Variants in WDR62 observed in about 807,000 individuals in gnomAD.
WDR62 encodes the protein WD repeat-containing protein 62.
Under a neutral mutation model 160.6 loss-of-function variants are expected in WDR62, and 112 were observed. That is an observed-to-expected ratio of 0.70 (90% confidence interval 0.60 to 0.82). The LOEUF (loss-of-function observed/expected upper bound fraction) is 0.82, where lower values mean the gene tolerates loss of function less well. Ranked by LOEUF, WDR62 falls within the 40% of genes least tolerant of loss-of-function variation. The pLI is 0.00. For missense variants in WDR62, 1,819 were observed against 1,983.8 expected (o/e 0.92, Z 1.58); for synonymous variants, 792 against 815.1 (o/e 0.97, Z 0.48).
intron 9 of WDR62, among the ~76,000 whole-genome samples, chr19:36,074,845 A>G (rs1360567538): frequency 6.6e-6 from 1 of 152,186 alleles, no homozygotes; most frequent in African/African-American, 2.4e-5. Context: ...GTCCACATTG[A>G]TGACTTCCCT....
rs1430293038 is a variant in WDR62 at position 36,054,933 on chromosome 19, G to A, written c.-39G>A. ...GGGTCGTGGCGGTGGCGGCAGCGGCGGTTAGGGGATGTAACGGTCGCCCGC... is the reference window on the plus strand; with the variant it reads ...GGGTCGTGGCGGTGGCGGCAGCGGCAGTTAGGGGATGTAACGGTCGCCCGC... On this transcript the variant is annotated 5_prime_UTR_variant, in exon 1 of 32. Coordinates refer to ENST00000401500, the MANE Select transcript of WDR62 (RefSeq NM_001083961.2). 20 of 1,554,994 alleles carry A rather than the reference G, an allele frequency of 1.3e-5. No individual in the cohort carries two copies. The highest frequency in any genetic ancestry group is 4.1e-5 in the African/African-American group (3 of 73,716).
chr19:36,080,825 T>C (rs190084732), intron 9 of WDR62, among the ~76,000 whole-genome samples: 74 of 152,384 alleles, frequency 4.9e-4, no homozygotes, highest in African/African-American at 1.5e-3. Flanking sequence ...TGGTTAATCT[T>C]TATAATTTCT....
intron 13 of WDR62, among the ~76,000 whole-genome samples, chr19:36,088,632 G>C (rs1475859645): frequency 6.6e-6 from 1 of 152,196 alleles, no homozygotes; most frequent in Non-Finnish European, 1.5e-5. Context: ...TACATGCATG[G>C]GGCCTGGCCC....
chr19:36,067,193 A>T, intron 5 of WDR62, 113 bp from the exon 6 acceptor site: 1 of 1,452,540 alleles, frequency 6.9e-7, no homozygotes, highest in East Asian at 2.3e-5. Context: ...GGAGGGTCCC[A>T]GGAAGACAGA....
chr19:36,072,111 C>A (rs1370539595), intron 8 of WDR62, among the ~76,000 whole-genome samples: 2 of 152,218 alleles, frequency 1.3e-5, no homozygotes, highest in Non-Finnish European at 2.9e-5. Context: ...AAAATCTCTG[C>A]CTCTCTGCAG....
At chr19:36,098,575 A>AAG (rs1568364377) in intron 21 of WDR62, among the ~76,000 whole-genome samples, 1 of 151,968 alleles carries the variant, frequency 6.6e-6, no homozygotes, top group African/African-American at 2.4e-5. Context: ...AAAAAAAAAA[A>AAG]AAAGAAAGAC....
At chr19:36,092,601 T>C in intron 18 of WDR62, 88 bp from the exon 19 acceptor site, 2 of 1,565,966 alleles carry the variant, frequency 1.3e-6, no homozygotes, top group South Asian at 2.2e-5. Flanking sequence ...GTCCAGGCTG[T>C]GGTGTGGGTG....
chr19:36,076,769 T>G (rs943402968), intron 9 of WDR62, among the ~76,000 whole-genome samples: 4 of 152,122 alleles, frequency 2.6e-5, no homozygotes, highest in African/African-American at 9.7e-5. Context: ...TGCAACAGTC[T>G]GAGAATGGAC....
rs12327568 is a variant in WDR62 at position 36,067,994 on chromosome 19, A to G, written c.866A>G (p.Lys289Arg). Residue 289 changes from lysine to arginine, a missense_variant, in exon 7 of 32, where the codon AAG becomes AGG. Lys to Arg is a conservative substitution (Grantham distance 26). Around this residue, in one of 3 missense-constraint regions of WDR62, gnomAD observed 934 missense variants for 1,157.2 expected, o/e 0.81. Transcript: ENST00000401500. Reference protein sequence around the residue: ...CQFNEKRVLEKWINLKVSLSS... With the variant: ...CQFNEKRVLERWINLKVSLSS... ...TTCAATGAGAAGAGGGTGCTGGAGA[A>G]GTGGATCAACCTGAAGGTACCACCT... The G allele has an allele frequency of 8.5e-4, 1,373 of 1,613,976 alleles. 11 individuals are homozygous for G. In the African/African-American group the frequency reaches 0.016, roughly 19 times the overall value.
chr19:36,062,216 G>C (rs1319241802), intron 3 of WDR62: 1 of 152,118 alleles, frequency 6.6e-6, no homozygotes, highest in Non-Finnish European at 1.5e-5. Flanking sequence ...AAAGTGCTAG[G>C]ATTACAGGTG....
rs1971985465 is a variant in WDR62 at position 36,082,916 on chromosome 19, C to T, written c.1372-147C>T. ...TATTCTTATCTAGCTGCAGGGGAGG[C>T]AAGGAAATAATTATTCTGATTGGTG... On this transcript the variant is annotated intron_variant, in intron 10 of 31. Transcript: ENST00000401500. The T allele has an allele frequency of 4.2e-6, 3 of 705,956 alleles. No homozygotes were observed. In the Admixed American group the frequency reaches 6.4e-5, roughly 15 times the overall value. The allele number at this position is 705,956 out of a possible 1,614,324, so 43.7% of individuals were successfully genotyped here. A position where few individuals can be genotyped will look rare whatever the true frequency, so the allele number is the denominator to read the frequency against.
intron 8 of WDR62, among the ~76,000 whole-genome samples, chr19:36,071,919 A>C (rs1971322791): frequency 6.6e-6 from 1 of 152,248 alleles, no homozygotes; most frequent in South Asian, 2.1e-4. Context: ...GGTAGGGGGA[A>C]GAAACAGTGA....
intron 1 of WDR62, among the ~76,000 whole-genome samples, chr19:36,056,876 C>T (rs762722400): frequency 6.7e-6 from 1 of 148,924 alleles, no homozygotes; most frequent in East Asian, 2.0e-4. Context: ...CTGGGTTGAT[C>T]TCGGCTCACT....
Position 36,099,419 on chromosome 19 carries a change from A to C in WDR62, c.2541A>C (p.Ala847=). 1 of 1,613,678 alleles carries C rather than the reference A, an allele frequency of 6.2e-7. No individual in the cohort carries two copies. The highest frequency in any genetic ancestry group is 8.5e-7 in the Non-Finnish European group (1 of 1,180,022). Residue 847 remains alanine, a synonymous_variant, in exon 22 of 32, where the codon GCA becomes GCC. Transcript: ENST00000401500. Reference sequence around the variant, plus strand: ...TCAAGCTAGGGGACGATGATGTGGCAGATGGCTTGGCCTTCCACGCCAAGC... The same window carrying C: ...TCAAGCTAGGGGACGATGATGTGGCCGATGGCTTGGCCTTCCACGCCAAGC... The part of the protein sequence containing the change: ...AKRLLGDDDV[A]DGLAFHAKRS...
chr19:36,076,025 T>A (rs1355626813), intron 9 of WDR62: 1 of 152,204 alleles, frequency 6.6e-6, no homozygotes, highest in Non-Finnish European at 1.5e-5. Context: ...TATAAACTCA[T>A]ATATATTTAA....
intron 9 of WDR62, among the ~76,000 whole-genome samples, chr19:36,077,100 T>A (rs1419409802): frequency 1.3e-5 from 2 of 152,102 alleles, no homozygotes; most frequent in African/African-American, 4.8e-5. Flanking sequence ...CATTACTCTC[T>A]AGTTTCAGAA....
chr19:36,095,008 A>G (rs1972871851), intron 20 of WDR62, among the ~76,000 whole-genome samples: 1 of 152,060 alleles, frequency 6.6e-6, no homozygotes, highest in Non-Finnish European at 1.5e-5. Flanking sequence ...TCCAGCCTGA[A>G]TAATAGAGTG....
Position 36,083,255 on chromosome 19 carries a change from G to A in WDR62, c.1550+14G>A, listed in dbSNP as rs1241048407. The A allele has an allele frequency of 5.0e-6, 8 of 1,584,564 alleles. No homozygotes were observed. Among genetic ancestry groups the A allele is most frequent in the Middle Eastern group, 2.0e-4 (1 of 5,056 alleles). On this transcript the variant is annotated intron_variant, in intron 11 of 31. Coordinates refer to ENST00000401500, the MANE Select transcript of WDR62 (RefSeq NM_001083961.2). ...TGGAAATCTGAGGCAAGTGGGCCCT[G>A]GCAGTGTCCAGTGTACACCTCCCAG...
intron 3 of WDR62, chr19:36,061,859 A>G (rs1478250308): frequency 6.6e-6 from 1 of 152,188 alleles, no homozygotes; most frequent in Non-Finnish European, 1.5e-5. Context: ...GACTTTTTAT[A>G]TTGAAATAAT....
Sources: allele counts gnomAD v4.1 joint callset (sites outside exome capture counted in the v4.1 genomes callset), GRCh38; gene constraint gnomAD v4.1.1; regional missense constraint gnomAD v4.1.1; transcripts MANE v1.5; gene names NCBI Gene and HGNC (gene_info 2026-07-23, HGNC 2026-07-21).